Variants in PPIE observed in about 807,000 individuals in gnomAD.
PPIE encodes the protein peptidylprolyl isomerase E.
PPIE carries 20 observed loss-of-function variants against 38.4 expected under a neutral mutation model. The observed-to-expected ratio is 0.52, with a 90% CI of 0.37 to 0.76. The LOEUF (loss-of-function observed/expected upper bound fraction) is 0.76, where lower values mean the gene tolerates loss of function less well. PPIE is among the 30% of genes least tolerant of loss of function. The pLI is 0.00. For missense variants in PPIE, 322 were observed against 385.8 expected, an observed-to-expected ratio of 0.83 and a Z score of 1.39; for synonymous variants, 142 against 135.7, an observed-to-expected ratio of 1.05 and a Z score of -0.32.
intron 2 of PPIE, 107 bp from the exon 3 acceptor site, chr1:39,741,258 AC>A: frequency 1.1e-6 from 1 of 882,824 alleles, no homozygotes; most frequent in Non-Finnish European, 1.9e-6. Flanking sequence ...ATTGGATAGA[AC>A]TTCTGGTGTT....
Position 39,753,982 on chromosome 1 carries a change from C to T in PPIE, c.*627C>T. The T allele has an allele frequency of 1.0e-6, 1 of 985,410 alleles. No homozygotes were observed. The highest frequency in any genetic ancestry group is 4.7e-5 in the South Asian group (1 of 21,274). The allele number at this position is 985,410 out of a possible 1,614,324, so 61.0% of individuals were successfully genotyped here. On this transcript the variant is annotated 3_prime_UTR_variant, in exon 10 of 10. Transcript: ENST00000324379. The stretch of plus-strand genomic sequence containing the variant: ...GCCAGCAAGTGTACTCTCAGTGGTT[C>T]ATTTGTTTATTTGTTCACTTTCACC...
chr1:39,761,831 G>A lies in PPIE; in HGVS notation c.838-1858G>A, dbSNP rs752246577. Among the ~76,000 whole-genome samples, 182 of 152,280 alleles carry A rather than the reference G, an allele frequency of 1.2e-3. 3 individuals are homozygous for A. Among genetic ancestry groups the A allele is most frequent in the Admixed American group, 1.7e-3 (26 of 15,304 alleles). ...TCCTCACAGGAGGCGTCACCTCCAC[G>A]GTTGTTTTGCTTTGGACAAACCAAC... On this transcript the variant is annotated intron_variant, in intron 9 of 9. Transcript: ENST00000356511.
exon 10 of PPIE, chr1:39,763,752 C>A (rs775172302): frequency 6.2e-7 from 1 of 1,603,946 alleles, no homozygotes; most frequent in South Asian, 1.1e-5. Context: ...GAGCTCGTGC[C>A]GACGGCAGAC....
At chr1:39,763,046 GGGCCCCCCACCCCA>G (rs752096760) in intron 9 of PPIE, 67 of 1,599,168 alleles carry the variant, frequency 4.2e-5, no homozygotes, top group Non-Finnish European at 5.4e-5. Context: ...CCTCTCCACA[GGGCCCCCCACCCCA>G]GGGGGCTGGG....
rs526391 is a variant in PPIE, at chr1:39,749,325, G to A, written c.694+237G>A. 3.7e-3 allele frequency among the ~76,000 whole-genome samples: 558 copies of A among 152,042 alleles called. 5 individuals carry two copies. Among genetic ancestry groups the A allele is most frequent in the African/African-American group, 0.013 (523 of 41,472 alleles). ...TTCCTATTAGCCCCGCTTGGATTCT[G>A]TGGTCTGCTGTTGCAGGCTCTTATG... is the stretch of plus-strand genomic sequence containing the variant. On this transcript the variant is annotated intron_variant, in intron 8 of 9. Transcript: ENST00000324379.
chr1:39,740,444 T>C (rs1242772536), intron 2 of PPIE, among the ~76,000 whole-genome samples, 181 bp downstream of exon 2: 3 of 152,240 alleles, frequency 2.0e-5, no homozygotes, highest in African/African-American at 7.2e-5. Context: ...GGCCATGTGG[T>C]TGTGAACTCT....
intron 8 of PPIE, among the ~76,000 whole-genome samples, chr1:39,750,023 C>T (rs1647550186): frequency 6.6e-6 from 1 of 152,012 alleles, no homozygotes; most frequent in African/African-American, 2.4e-5. Context: ...ATCCTAGCTG[C>T]TCGGAAGGCT....
At chr1:39,760,276 G>A (rs1648755947), downstream of PPIE, 2 of 1,331,140 alleles carry the variant, frequency 1.5e-6, no homozygotes, top group Non-Finnish European at 2.0e-6. Context: ...CTGGCATGAA[G>A]GAGAAAGGGT....
downstream of PPIE, chr1:39,757,045 A>G (rs2124389124): frequency 6.6e-6 from 1 of 152,312 alleles, no homozygotes; most frequent in South Asian, 2.1e-4. Flanking sequence ...GAACACAGCA[A>G]AGTTTCACAG....
At chr1:39,749,627 C>T (rs536671219) in intron 8 of PPIE, among the ~76,000 whole-genome samples, 1 of 152,284 alleles carries the variant, frequency 6.6e-6, no homozygotes, top group Middle Eastern at 3.4e-3. Flanking sequence ...TCACCTCCTG[C>T]ATCTCTCCAC....
At chr1:39,760,526 C>G (rs745581395), downstream of PPIE, 1 of 1,614,052 alleles carries the variant, frequency 6.2e-7, no homozygotes, top group South Asian at 1.1e-5. Context: ...TTGGTGGGTG[C>G]ACAGCACGCC....
At chr1:39,751,169 G>C (rs1647688916) in intron 8 of PPIE, among the ~76,000 whole-genome samples, 1 of 152,192 alleles carries the variant, frequency 6.6e-6, no homozygotes, top group Admixed American at 6.5e-5. Context: ...AAGTTGATTA[G>C]AGTCCAAAGT....
chr1:39,762,995 G>T, intron 9 of PPIE: 2 of 1,421,244 alleles, frequency 1.4e-6, no homozygotes, highest in Non-Finnish European at 2.0e-6. Flanking sequence ...GAGACGCGGA[G>T]CAGGTGGCCT....
Position 39,755,172 on chromosome 1 carries a change from G to T in PPIE, c.*1817G>T, listed in dbSNP as rs1648132512. On this transcript the variant is annotated 3_prime_UTR_variant, in exon 10 of 10. Transcript: ENST00000324379. Reference sequence around the variant, plus strand: ...CTCATCTGCTGAAGGCTTTTAGCAGGGACTGAGTCCTGTAGCTGTTGGACA... The same window carrying T: ...CTCATCTGCTGAAGGCTTTTAGCAGTGACTGAGTCCTGTAGCTGTTGGACA... 1.0e-6 allele frequency: 1 copy of T among 985,442 alleles called. No homozygotes were observed. The highest frequency in any genetic ancestry group is 1.2e-6 in the Non-Finnish European group (1 of 829,942). The allele number at this position is 985,442 out of a possible 1,614,324, so 61.0% of individuals were successfully genotyped here.
rs1185573859 is a variant in PPIE at position 39,754,999 on chromosome 1, A to C, written c.*1644A>C. The C allele has an allele frequency of 5.1e-5, 50 of 985,324 alleles. No individual in the cohort carries two copies. The highest frequency in any genetic ancestry group is 6.0e-5 in the Non-Finnish European group (50 of 829,934). The allele number at this position is 985,324 out of a possible 1,614,324, so 61.0% of individuals were successfully genotyped here. The stretch of plus-strand genomic sequence containing the variant: ...AATACTTACTATCTGAGCCTTTACA[A>C]AACAGGATTGCCAGCCACTGAAGAG... On this transcript the variant is annotated 3_prime_UTR_variant, in exon 10 of 10. Transcript: ENST00000324379.
Position 39,754,012 on chromosome 1 carries a change from A to G in PPIE, c.*657A>G, listed in dbSNP as rs1021563074. On this transcript the variant is annotated 3_prime_UTR_variant, in exon 10 of 10. Transcript: ENST00000324379. Reference sequence around the variant, plus strand: ...GTTTATTTGTTCACTTTCACCCTACAGATTTTAAAAAATGAAATTTTTATA... The same window carrying G: ...GTTTATTTGTTCACTTTCACCCTACGGATTTTAAAAAATGAAATTTTTATA... 4 of 985,424 alleles carry G rather than the reference A, an allele frequency of 4.1e-6. No homozygotes were observed. The highest frequency in any genetic ancestry group is 6.1e-5 in the Admixed American group (1 of 16,290). 61.0% of individuals were successfully genotyped at this position (985,424 alleles called of 1,614,324 possible).
chr1:39,743,787 A>G, intron 5 of PPIE, 37 bp from the exon 6 acceptor site: 1 of 1,557,276 alleles, frequency 6.4e-7, no homozygotes, highest in Non-Finnish European at 8.8e-7. Context: ...TCAAGCTGAC[A>G]GCTTGAATGA....
chr1:39,740,678 C>G (rs1240239945), intron 2 of PPIE, among the ~76,000 whole-genome samples: 2 of 152,238 alleles, frequency 1.3e-5, no homozygotes, highest in Non-Finnish European at 2.9e-5. Flanking sequence ...TTCTTGGCCT[C>G]TGCACCCCTG....
At position 39,755,076 on chromosome 1, in the gene PPIE, A is replaced by C. The variant is rs370845994; in HGVS notation, c.*1721A>C. The C allele has an allele frequency of 5.1e-6, 5 of 985,470 alleles. No homozygotes were observed. In the East Asian group the frequency reaches 3.4e-4, roughly 67 times the overall value. 61.0% of individuals were successfully genotyped at this position (985,470 alleles called of 1,614,324 possible). A position where few individuals can be genotyped will look rare whatever the true frequency, so the allele number is the denominator to read the frequency against. ...CTCACAGTCTGGCTCTCCTGTGTGCAGCCACTTCTTGGAGCTGGCTTCTCT... is the reference window on the plus strand; with the variant it reads ...CTCACAGTCTGGCTCTCCTGTGTGCCGCCACTTCTTGGAGCTGGCTTCTCT... On this transcript the variant is annotated 3_prime_UTR_variant, in exon 10 of 10. Coordinates refer to ENST00000324379, the MANE Select transcript of PPIE (RefSeq NM_006112.4).
Sources: gnomAD v4.1 joint callset for allele counts (sites outside exome capture counted in the v4.1 genomes callset) on GRCh38, gnomAD v4.1.1 for gene constraint, MANE v1.5 for transcripts, NCBI Gene and HGNC (gene_info 2026-07-23, HGNC 2026-07-21) for gene names.